Variants in FGF12 observed in about 807,000 individuals in gnomAD.
The protein encoded by FGF12 is fibroblast growth factor 12.
Under a neutral mutation model 23.6 loss-of-function variants are expected in FGF12, and 14 were observed. The ratio of observed to expected loss-of-function variants is 0.59; its 90% CI spans 0.39 to 0.93. FGF12 has a LOEUF of 0.93. Ranked by LOEUF, FGF12 falls within the 40% of genes least tolerant of loss-of-function variation. The pLI, the probability that FGF12 is intolerant of heterozygous loss-of-function variation, is 0.00. For synonymous variants in FGF12, 62 were observed against 77.3 expected (o/e 0.80, Z 1.04); for missense variants, 175 against 217.8 (o/e 0.80, Z 1.24).
intron 5 of FGF12, among the ~76,000 whole-genome samples, chr3:192,158,493 C>CCTCTCT (rs924681317): frequency 2.7e-5 from 4 of 145,810 alleles, no homozygotes; most frequent in African/African-American, 1.0e-4. Flanking sequence ...TCCCTTCCTT[C>CCTCTCT]CTCTCTCTTT....
At chr3:192,545,052 T>G (rs1359718561) in intron 2 of FGF12, among the ~76,000 whole-genome samples, 2 of 151,950 alleles carry the variant, frequency 1.3e-5, no homozygotes, top group Admixed American at 1.3e-4. Context: ...TCACGCAAGA[T>G]CAACTGAGCC....
chr3:192,419,209 T>C (rs1471675392), intron 2 of FGF12, among the ~76,000 whole-genome samples: 1 of 152,190 alleles, frequency 6.6e-6, no homozygotes, highest in Non-Finnish European at 1.5e-5. Context: ...ATTCATATTC[T>C]TGAAGTGTTA....
chr3:192,520,247 T>G (rs1039009634), intron 2 of FGF12, among the ~76,000 whole-genome samples: 7 of 152,242 alleles, frequency 4.6e-5, no homozygotes, highest in Non-Finnish European at 8.8e-5. Context: ...TAGAGATAGA[T>G]ATCGTTAATA....
At position 192,208,813 on chromosome 3, in the gene FGF12, A is replaced by G. The variant is rs532822099; in HGVS notation, c.229-38157T>C. ...AATAGACAAATTTCAATTTGAGCCA[A>G]ATGCTTCTCAGTTGCCACGTGAGAG... is the stretch of plus-strand genomic sequence containing the variant. On this transcript the variant is annotated intron_variant, in intron 4 of 5. Transcript: ENST00000445105. Among the ~76,000 whole-genome samples, 439 of 152,284 alleles carry G rather than the reference A, an allele frequency of 2.9e-3. 3 individuals are homozygous for G. The highest frequency in any genetic ancestry group is 5.1e-3 in the Non-Finnish European group (346 of 68,028).
intron 2 of FGF12, among the ~76,000 whole-genome samples, chr3:192,519,080 A>G (rs1179962359): frequency 1.3e-5 from 2 of 152,188 alleles, no homozygotes; most frequent in African/African-American, 4.8e-5. Context: ...GTGTACAAAT[A>G]TCAAACCCAG....
chr3:192,406,105 T>C (rs1720947090), intron 2 of FGF12, among the ~76,000 whole-genome samples: 2 of 151,864 alleles, frequency 1.3e-5, no homozygotes. Flanking sequence ...AAGAAAACAA[T>C]AAACTCAGAA....
intron 4 of FGF12, among the ~76,000 whole-genome samples, chr3:192,239,334 T>C (rs1719474186): frequency 6.6e-6 from 1 of 152,230 alleles, no homozygotes; most frequent in Non-Finnish European, 1.5e-5. Context: ...GATTTGTTTT[T>C]CCATTAAAGA....
In FGF12 at chr3:192,514,913, C is replaced by CGGCAGGGGGCG. The variant is rs1724615239; in HGVS notation, c.14-154386_14-154376dup. 1 of 978,014 alleles carries CGGCAGGGGGCG rather than the reference C, an allele frequency of 1.0e-6. No homozygotes were observed. The highest frequency in any genetic ancestry group is 1.2e-6 in the Non-Finnish European group (1 of 823,238). 60.6% of individuals were successfully genotyped at this position (978,014 alleles called of 1,614,324 possible). On this transcript the variant is annotated intron_variant, in intron 2 of 5. Coordinates refer to ENST00000445105, the MANE Select transcript of FGF12 (RefSeq NM_004113.6). This position sits in a 1 kb window ranked among gnomAD's most constrained non-coding sequence, Gnocchi z 4.9. ...ATGGAGCCGGAGGGAGCCCGGGCGC[C>CGGCAGGGGGCG]GGCAGGGGGCGGGCCGGGACGCGGA...
intron 2 of FGF12, among the ~76,000 whole-genome samples, chr3:192,634,934 A>G (rs1577090548): frequency 6.6e-6 from 1 of 151,980 alleles, no homozygotes; most frequent in South Asian, 2.1e-4. Flanking sequence ...ATCTCCACTC[A>G]CTGCAACCTC....
intron 4 of FGF12, among the ~76,000 whole-genome samples, chr3:192,308,313 G>A (rs966717202): frequency 3.3e-5 from 5 of 152,180 alleles, no homozygotes; most frequent in South Asian, 2.1e-4. Context: ...TTGTTAAACC[G>A]TTTGGAGGGC....
chr3:192,699,333 C>T (rs553269209), intron 2 of FGF12, among the ~76,000 whole-genome samples: 136 of 152,248 alleles, frequency 8.9e-4, no homozygotes, highest in African/African-American at 3.1e-3. Context: ...CTTTCCTACA[C>T]GATTTCAAGT....
Position 192,511,329 on chromosome 3 carries a change from C to G in FGF12, c.14-150791G>C, listed in dbSNP as rs145792796. Among the ~76,000 whole-genome samples, 1,110 of 152,206 alleles carry G rather than the reference C, an allele frequency of 7.3e-3. 13 individuals are homozygous for G. The highest frequency in any genetic ancestry group is 0.025 in the African/African-American group (1,042 of 41,510). On this transcript the variant is annotated intron_variant, in intron 2 of 5. Transcript: ENST00000445105. ...TTCTGTTTCAGATTGAGACTTAACC[C>G]AGCTTTCTCAGGAGCCTGATCATTA...
At chr3:192,583,756 C>T in intron 2 of FGF12, among the ~76,000 whole-genome samples, 1 of 152,204 alleles carries the variant, frequency 6.6e-6, no homozygotes, top group South Asian at 2.1e-4. Context: ...TCTATCTCTA[C>T]AGACATATTT....
chr3:192,368,428 T>C (rs996138366), intron 2 of FGF12, among the ~76,000 whole-genome samples: 5 of 152,136 alleles, frequency 3.3e-5, no homozygotes, highest in African/African-American at 1.2e-4. Context: ...GGGATGGATG[T>C]GCTATTGTGG....
chr3:192,711,754 T>C (rs1488426144), intron 2 of FGF12, among the ~76,000 whole-genome samples: 1 of 151,992 alleles, frequency 6.6e-6, no homozygotes, highest in East Asian at 1.9e-4. Flanking sequence ...GGCAGCATGC[T>C]CCTTAAGAGT....
chr3:192,203,453 T>C (rs553778113), intron 4 of FGF12, among the ~76,000 whole-genome samples: 157 of 152,306 alleles, frequency 1.0e-3, no homozygotes, highest in Non-Finnish European at 1.8e-3. Flanking sequence ...TAAACTCTTC[T>C]GTAAATATCA....
At chr3:192,598,692 C>T (rs1256754854) in intron 2 of FGF12, among the ~76,000 whole-genome samples, 1 of 152,160 alleles carries the variant, frequency 6.6e-6, no homozygotes, top group African/African-American at 2.4e-5. Flanking sequence ...CCCTAGAGCA[C>T]ATGGCACAGC....
At chr3:192,166,094 G>A (rs77683542) in intron 5 of FGF12, among the ~76,000 whole-genome samples, 6,750 of 152,280 alleles carry the variant, frequency 0.044, 197 homozygotes, top group South Asian at 0.07. Flanking sequence ...GCAGCGAGGA[G>A]AAAGGTTTCA....
intron 4 of FGF12, among the ~76,000 whole-genome samples, chr3:192,276,339 G>A (rs1005970215): frequency 1.3e-5 from 2 of 152,198 alleles, no homozygotes; most frequent in African/African-American, 4.8e-5. Flanking sequence ...ATTTAGTGCT[G>A]AGTAAAATGG....
Sources: allele counts gnomAD v4.1 joint callset (sites outside exome capture counted in the v4.1 genomes callset), GRCh38; gene constraint gnomAD v4.1.1; non-coding constraint Gnocchi (gnomAD v3.1); transcripts MANE v1.5; gene names NCBI Gene and HGNC (gene_info 2026-07-23, HGNC 2026-07-21).